The following CACNA2D3 variants were observed in gnomAD, a reference collection of about 807,000 sequenced individuals.
The protein encoded by CACNA2D3 is calcium voltage-gated channel auxiliary subunit alpha2delta 3.
CACNA2D3 carries 60 observed loss-of-function variants against 160.6 expected under a neutral mutation model. The observed-to-expected ratio is 0.37, with a 90% confidence interval of 0.30 to 0.46. CACNA2D3 has a LOEUF of 0.46. Among genes scored for constraint, CACNA2D3 ranks in the 20% least tolerant of loss-of-function variants. The pLI is 1.00. For synonymous variants in CACNA2D3, 558 were observed against 492.9 expected, an observed-to-expected ratio of 1.13 and a Z score of -1.75; for missense variants, 1,205 against 1,365.0, an observed-to-expected ratio of 0.88 and a Z score of 1.85.
intron 3 of CACNA2D3, among the ~76,000 whole-genome samples, chr3:54,368,545 A>G (rs1013043795): frequency 1.4e-5 from 2 of 142,466 alleles, no homozygotes; most frequent in African/African-American, 5.3e-5. Flanking sequence ...GAACAGAGAC[A>G]GAGAGGGAGA....
chr3:54,338,010 C>T (rs530807590), intron 3 of CACNA2D3, among the ~76,000 whole-genome samples: 19 of 152,306 alleles, frequency 1.2e-4, no homozygotes, highest in Admixed American at 1.0e-3. Context: ...TTGTCTGGCT[C>T]GATGGCTGTT....
chr3:54,255,106 C>T (rs1412695550), intron 2 of CACNA2D3, among the ~76,000 whole-genome samples: 4 of 152,310 alleles, frequency 2.6e-5, no homozygotes, highest in Admixed American at 2.0e-4. Flanking sequence ...ACATTTTTCT[C>T]TCAGGTTAAA....
intron 4 of CACNA2D3, among the ~76,000 whole-genome samples, chr3:54,460,205 C>A (rs1276262437): frequency 2.0e-5 from 3 of 151,818 alleles, no homozygotes; most frequent in Non-Finnish European, 2.9e-5. Context: ...AGTCAGGTAG[C>A]GTGATGCCTC....
intron 2 of CACNA2D3, among the ~76,000 whole-genome samples, chr3:54,277,135 C>G (rs991865119): frequency 6.6e-6 from 1 of 152,232 alleles, no homozygotes; most frequent in Non-Finnish European, 1.5e-5. Flanking sequence ...CACACGCTGC[C>G]CTGCAGGACT....
intron 8 of CACNA2D3, among the ~76,000 whole-genome samples, chr3:54,570,809 T>C (rs1702484005): frequency 6.6e-6 from 1 of 152,096 alleles, no homozygotes; most frequent in Non-Finnish European, 1.5e-5. Flanking sequence ...CGGGCAGTCA[T>C]GTAGCCTGGA....
At chr3:54,552,409 C>A (rs538330174) in intron 5 of CACNA2D3, among the ~76,000 whole-genome samples, 3 of 152,278 alleles carry the variant, frequency 2.0e-5, no homozygotes, top group East Asian at 3.9e-4. Context: ...TTACCCTGGT[C>A]CGTGGACTGC....
chr3:54,403,459 A>G (rs898662982), intron 4 of CACNA2D3, among the ~76,000 whole-genome samples: 1 of 152,040 alleles, frequency 6.6e-6, no homozygotes, highest in Non-Finnish European at 1.5e-5. Context: ...ACCAAAACCT[A>G]TGGGATACAA....
intron 4 of CACNA2D3, among the ~76,000 whole-genome samples, chr3:54,481,792 G>A (rs1485546758): frequency 6.6e-6 from 1 of 152,166 alleles, no homozygotes; most frequent in Non-Finnish European, 1.5e-5. Context: ...TGCTTTGAGA[G>A]GTTAAGCAAT....
chr3:54,600,505 A>G (rs1703040974), intron 9 of CACNA2D3, among the ~76,000 whole-genome samples: 2 of 152,076 alleles, frequency 1.3e-5, no homozygotes, highest in Non-Finnish European at 2.9e-5. Flanking sequence ...CTTGCAGGAG[A>G]ACATGCAGCA....
chr3:54,928,680 C>T (rs1341012243), intron 27 of CACNA2D3, among the ~76,000 whole-genome samples: 1 of 152,140 alleles, frequency 6.6e-6, no homozygotes, highest in African/African-American at 2.4e-5. Context: ...TGCTTGCTTG[C>T]TTGCTTGCTT....
chr3:55,006,522 G>A (rs1001515197), intron 32 of CACNA2D3, among the ~76,000 whole-genome samples: 2 of 152,290 alleles, frequency 1.3e-5, no homozygotes, highest in African/African-American at 2.4e-5. Context: ...TGGCAAAACC[G>A]CAGGACTGCA....
intron 11 of CACNA2D3, among the ~76,000 whole-genome samples, chr3:54,708,289 C>T (rs761959111): frequency 6.6e-5 from 10 of 152,194 alleles, no homozygotes; most frequent in African/African-American, 1.4e-4. Context: ...AAGGTGTTAT[C>T]GAATTTGATG....
chr3:54,815,067 A>C (rs576630746), intron 13 of CACNA2D3, among the ~76,000 whole-genome samples: 215 of 152,338 alleles, frequency 1.4e-3, no homozygotes, highest in African/African-American at 5.0e-3. Context: ...ATATTTGAGA[A>C]GCTTTTTTAA....
chr3:54,466,996 C>G (rs1164378141), intron 4 of CACNA2D3, among the ~76,000 whole-genome samples: 1 of 152,158 alleles, frequency 6.6e-6, no homozygotes, highest in African/African-American at 2.4e-5. Context: ...ATTCAGTTCT[C>G]AATACTAAGA....
intron 24 of CACNA2D3, 96 bp from the exon 25 acceptor site, chr3:54,891,256 ACTG>A (rs1197921030): frequency 3.9e-5 from 28 of 715,568 alleles, no homozygotes; most frequent in Non-Finnish European, 1.2e-5. Context: ...AAGTTTCAAA[ACTG>A]CTATTTGGTA....
intron 13 of CACNA2D3, among the ~76,000 whole-genome samples, chr3:54,799,108 T>C (rs555577149): frequency 6.6e-6 from 1 of 152,344 alleles, no homozygotes; most frequent in South Asian, 2.1e-4. Context: ...TCTAATCCTA[T>C]TTTTCCCATA....
chr3:54,441,353 A>T (rs1360499524), intron 4 of CACNA2D3, among the ~76,000 whole-genome samples: 3 of 151,930 alleles, frequency 2.0e-5, no homozygotes, highest in Non-Finnish European at 4.4e-5. Context: ...TTTCTTGTAA[A>T]TTTTTGGAGT....
intron 4 of CACNA2D3, among the ~76,000 whole-genome samples, chr3:54,470,022 G>A (rs764311964): frequency 8.5e-5 from 13 of 152,152 alleles, no homozygotes; most frequent in Admixed American, 5.2e-4. Context: ...ATATTATGCC[G>A]GAGAATTTCC....
chr3:54,289,648 C>T (rs1703132547), intron 2 of CACNA2D3, among the ~76,000 whole-genome samples: 1 of 152,232 alleles, frequency 6.6e-6, no homozygotes, highest in Admixed American at 6.5e-5. Flanking sequence ...CGCTACCTGA[C>T]TTCAAACTAT....
Sources: gnomAD v4.1 joint callset for allele counts (sites outside exome capture counted in the v4.1 genomes callset) on GRCh38, gnomAD v4.1.1 for gene constraint, MANE v1.5 for transcripts, NCBI Gene and HGNC (gene_info 2026-07-23, HGNC 2026-07-21) for gene names.